Variants in QTMAN observed in about 807,000 individuals in gnomAD.
QTMAN encodes the protein tRNA-queuosine alpha-mannosyltransferase.
the QTMAN span, among the ~76,000 whole-genome samples, chr2:144,322,432 A>G: frequency 6.6e-6 from 1 of 152,210 alleles, no homozygotes; most frequent in East Asian, 1.9e-4. Flanking sequence ...AAATGTTTTC[A>G]AAACAGAAAA....
At chr2:144,133,444 TATA>T in the QTMAN span, among the ~76,000 whole-genome samples, 1 of 41,840 alleles carries the variant, frequency 2.4e-5, no homozygotes, top group Admixed American at 4.0e-4. Flanking sequence ...TAATATATAA[TATA>T]TAATATATAA....
At chr2:144,052,813 G>A in the QTMAN span, among the ~76,000 whole-genome samples, 3 of 152,076 alleles carry the variant, frequency 2.0e-5, no homozygotes, top group East Asian at 1.9e-4. Context: ...CACCACACCC[G>A]ACTAATTTTA....
chr2:144,091,501 T>A, the QTMAN span, among the ~76,000 whole-genome samples: 1 of 152,172 alleles, frequency 6.6e-6, no homozygotes, highest in Non-Finnish European at 1.5e-5. Context: ...GTTATACACA[T>A]CTATCTAAAA....
chr2:144,308,173 T>TG, the QTMAN span, among the ~76,000 whole-genome samples: 5 of 147,402 alleles, frequency 3.4e-5, no homozygotes, highest in African/African-American at 1.3e-4. Flanking sequence ...TTTTTTTTTT[T>TG]TTTTTTTTTT....
chr2:144,099,296 A>G, the QTMAN span, among the ~76,000 whole-genome samples: 1 of 152,226 alleles, frequency 6.6e-6, no homozygotes, highest in Non-Finnish European at 1.5e-5. Context: ...TTTGAAGAGT[A>G]TGGTACTTTT....
At chr2:144,094,217 C>T in the QTMAN span, among the ~76,000 whole-genome samples, 1 of 152,040 alleles carries the variant, frequency 6.6e-6, no homozygotes, top group Non-Finnish European at 1.5e-5. Context: ...AAGAGCTTTG[C>T]AAGTAAGGAA....
chr2:144,165,285 G>A, the QTMAN span, among the ~76,000 whole-genome samples: 1 of 151,992 alleles, frequency 6.6e-6, no homozygotes, highest in Non-Finnish European at 1.5e-5. Context: ...CTGGAGAATC[G>A]CTTGAACCCA....
At chr2:144,258,396 C>T in the QTMAN span, among the ~76,000 whole-genome samples, 4 of 152,050 alleles carry the variant, frequency 2.6e-5, no homozygotes, top group Admixed American at 6.6e-5. Flanking sequence ...TCTGATGTTA[C>T]GGAATTCAAG....
At chr2:144,226,634 C>T in the QTMAN span, among the ~76,000 whole-genome samples, 2 of 152,072 alleles carry the variant, frequency 1.3e-5, no homozygotes, top group African/African-American at 4.8e-5. Context: ...AATACATTCC[C>T]TGCTTTGAAT....
chr2:144,095,139 T>C, the QTMAN span, among the ~76,000 whole-genome samples: 1 of 152,190 alleles, frequency 6.6e-6, no homozygotes, highest in Non-Finnish European at 1.5e-5. Flanking sequence ...TATCTAGCTT[T>C]CCCATGTCCT....
the QTMAN span, among the ~76,000 whole-genome samples, chr2:144,217,996 T>G: frequency 6.6e-6 from 1 of 152,224 alleles, no homozygotes; most frequent in African/African-American, 2.4e-5. Context: ...CGGAGACACT[T>G]GACTAGGTCT....
the QTMAN span, among the ~76,000 whole-genome samples, chr2:144,182,227 G>A: frequency 3.9e-5 from 6 of 152,178 alleles, no homozygotes; most frequent in Non-Finnish European, 2.9e-5. Flanking sequence ...CCATTTTAGT[G>A]TAGATATAAT....
chr2:144,323,400 TTCTGTGAATGCACA>T, the QTMAN span, among the ~76,000 whole-genome samples: 1 of 152,218 alleles, frequency 6.6e-6, no homozygotes, highest in Non-Finnish European at 1.5e-5. Context: ...TTTTCTTTTT[TTCTGTGAATGCACA>T]GCTGTGAAGA....
chr2:144,121,461 C>T, the QTMAN span, among the ~76,000 whole-genome samples: 23 of 152,212 alleles, frequency 1.5e-4, no homozygotes, highest in African/African-American at 5.1e-4. Flanking sequence ...GAACGCTGAA[C>T]ACATTCAGTA....
chr2:144,331,065 T>C, the QTMAN span, among the ~76,000 whole-genome samples: 1 of 152,348 alleles, frequency 6.6e-6, no homozygotes, highest in South Asian at 2.1e-4. Flanking sequence ...TTCATTGTTT[T>C]CAAGCATGTC....
chr2:144,118,520 C>T, the QTMAN span, among the ~76,000 whole-genome samples: 44 of 152,144 alleles, frequency 2.9e-4, no homozygotes, highest in Non-Finnish European at 5.7e-4. Flanking sequence ...TTCATAAAAA[C>T]ACAAATATCA....
At chr2:144,182,545 G>A in the QTMAN span, among the ~76,000 whole-genome samples, 1 of 148,070 alleles carries the variant, frequency 6.8e-6, no homozygotes, top group Non-Finnish European at 1.5e-5. Context: ...TTGGGAGGCT[G>A]AGGCAGGAGA....
the QTMAN span, among the ~76,000 whole-genome samples, chr2:144,025,913 A>G: frequency 1.3e-5 from 2 of 152,202 alleles, no homozygotes; most frequent in Non-Finnish European, 2.9e-5. Flanking sequence ...GTTGGACTTT[A>G]TAGGGTATAA....
chr2:144,328,726 C>T, the QTMAN span, among the ~76,000 whole-genome samples: 1 of 152,160 alleles, frequency 6.6e-6, no homozygotes, highest in Non-Finnish European at 1.5e-5. Flanking sequence ...TAAACACCAT[C>T]CTACTCTACC....
Sources: gnomAD v4.1 joint callset for allele counts (sites outside exome capture counted in the v4.1 genomes callset) on GRCh38, gnomAD v4.1.1 for gene constraint, MANE v1.5 for transcripts, NCBI Gene and HGNC (gene_info 2026-07-23, HGNC 2026-07-21) for gene names.